Variants in CRYBG1 observed in about 807,000 individuals in gnomAD.
CRYBG1 encodes crystallin beta-gamma domain containing 1.
In CRYBG1, 139 loss-of-function variants were observed where a neutral mutation model predicts 189.2. The ratio of observed to expected loss-of-function variants is 0.73; its 90% CI spans 0.64 to 0.85. CRYBG1 has a LOEUF of 0.85. Among genes scored for constraint, CRYBG1 ranks in the 40% least tolerant of loss-of-function variants. CRYBG1 has a pLI of 0.00. For missense variants in CRYBG1, 2,611 were observed against 2,675.8 expected (o/e 0.98, Z 0.53); for synonymous variants, 1,023 against 1,017.1 (o/e 1.01, Z -0.11).
At position 106,430,252 on chromosome 6, in the gene CRYBG1, G is replaced by A. The variant is rs570170186; in HGVS notation, c.174-21442G>A. ...TTGAAACCAGCCTAGGCAACGTAGC[G>A]AAACCCCCATCTCTACAAAAAAATT... On this transcript the variant is annotated intron_variant, in intron 1 of 21. Transcript: ENST00000633556. Among the ~76,000 whole-genome samples, 22 of 152,148 alleles carry A rather than the reference G, an allele frequency of 1.4e-4. No individual in the cohort carries two copies. The South Asian group carries it at 2.1e-3, about 14-fold the overall frequency.
chr6:106,515,756 AATTTATTTATTT>A (rs71726144), intron 3 of CRYBG1, among the ~76,000 whole-genome samples: 1,623 of 141,324 alleles, frequency 0.011, 17 homozygotes, highest in African/African-American at 0.028. Flanking sequence ...GCAGAGATCA[AATTTATTTATTT>A]ATTTATTTAT....
chr6:106,411,484 G>A (rs1582747746), intron 1 of CRYBG1, among the ~76,000 whole-genome samples: 1 of 152,248 alleles, frequency 6.6e-6, no homozygotes, highest in East Asian at 1.9e-4. Flanking sequence ...TAGACTTTGG[G>A]TCTTGAGTTT....
rs945829386 is a variant in CRYBG1, at chr6:106,538,841, G to A, written c.4719-562G>A. ...AACCAGGAGGCAGAGGTTGCAGTGA[G>A]CTGAGAGCAAGCCACTGTACTCCAG... is the stretch of plus-strand genomic sequence containing the variant. On this transcript the variant is annotated intron_variant, in intron 8 of 21. Coordinates refer to ENST00000633556, the MANE Select transcript of CRYBG1 (RefSeq NM_001371242.2). Among the ~76,000 whole-genome samples, 3 of 151,268 alleles carry A rather than the reference G, an allele frequency of 2.0e-5. No homozygotes were observed. The East Asian group carries it at 5.8e-4, about 29-fold the overall frequency.
intron 2 of CRYBG1, among the ~76,000 whole-genome samples, chr6:106,501,724 T>C (rs1428166918): frequency 1.3e-5 from 2 of 152,268 alleles, no homozygotes; most frequent in Non-Finnish European, 2.9e-5. Flanking sequence ...TCCTGAGTTC[T>C]GATCATAGAA....
chr6:106,501,003 G>A (rs187110284), intron 2 of CRYBG1, among the ~76,000 whole-genome samples: 1 of 152,300 alleles, frequency 6.6e-6, no homozygotes, highest in Admixed American at 6.5e-5. Flanking sequence ...TAGGCTGGAG[G>A]ATAAAGGATT....
Position 106,568,606 on chromosome 6 carries a change from C to T in CRYBG1, c.*40C>T. ...AGAATCTTCTGGAGGTCCTTCCAGCCACCTTATTTCTTAAAAAGGACAATG... is the reference window on the plus strand; with the variant it reads ...AGAATCTTCTGGAGGTCCTTCCAGCTACCTTATTTCTTAAAAAGGACAATG... On this transcript the variant is annotated 3_prime_UTR_variant, in exon 22 of 22. Coordinates refer to ENST00000633556, the MANE Select transcript of CRYBG1 (RefSeq NM_001371242.2). The T allele has an allele frequency of 6.9e-7, 1 of 1,457,788 alleles. No homozygotes were observed. Among genetic ancestry groups the T allele is most frequent in the Non-Finnish European group, 9.6e-7 (1 of 1,041,570 alleles). The allele number at this position is 1,457,788 out of a possible 1,614,324, so 90.3% of individuals were successfully genotyped here.
chr6:106,518,259 A>G (rs1773486924), intron 3 of CRYBG1, among the ~76,000 whole-genome samples: 1 of 152,238 alleles, frequency 6.6e-6, no homozygotes, highest in Non-Finnish European at 1.5e-5. Context: ...TTTAAATATT[A>G]TCCAAAGTTG....
chr6:106,560,701 A>G (rs961549867), intron 18 of CRYBG1, 102 bp from the exon 19 acceptor site: 9 of 1,345,464 alleles, frequency 6.7e-6, no homozygotes, highest in Non-Finnish European at 9.1e-6. Flanking sequence ...TGTTAAAAGT[A>G]TATAGTTCAG....
chr6:106,558,659 A>G, intron 18 of CRYBG1, 34 bp downstream of exon 18: 1 of 1,547,812 alleles, frequency 6.5e-7, no homozygotes, highest in Non-Finnish European at 8.7e-7. Flanking sequence ...AATAAAATAG[A>G]TCATTTTAAA....
At chr6:106,535,597 C>A (rs1168208834) in intron 8 of CRYBG1, among the ~76,000 whole-genome samples, 1 of 152,142 alleles carries the variant, frequency 6.6e-6, no homozygotes, top group African/African-American at 2.4e-5. Context: ...TAGTCCATCA[C>A]CAAATTTTCC....
chr6:106,422,525 G>A (rs956590812), intron 1 of CRYBG1, among the ~76,000 whole-genome samples: 1 of 151,696 alleles, frequency 6.6e-6, no homozygotes, highest in African/African-American at 2.4e-5. Flanking sequence ...TAGAGAGCGT[G>A]TTTCACCATA....
intron 13 of CRYBG1, among the ~76,000 whole-genome samples, chr6:106,551,208 C>T (rs1774397101): frequency 6.6e-6 from 1 of 152,034 alleles, no homozygotes; most frequent in Admixed American, 6.6e-5. Flanking sequence ...ATGTTTAGCT[C>T]CCACTTATGG....
intron 1 of CRYBG1, among the ~76,000 whole-genome samples, chr6:106,437,253 TG>T (rs778111665): frequency 1.4e-4 from 21 of 152,206 alleles, no homozygotes; most frequent in Admixed American, 6.5e-4. Context: ...TTCATCTCAT[TG>T]GGTTTGCTAA....
intron 18 of CRYBG1, among the ~76,000 whole-genome samples, 151 bp from the exon 19 acceptor site, chr6:106,560,647 CTTCTT>C (rs745710178): frequency 2.6e-5 from 4 of 152,320 alleles, no homozygotes; most frequent in East Asian, 3.9e-4. Flanking sequence ...CAAGAAATTA[CTTCTT>C]TTAAGTGTTC....
intron 1 of CRYBG1, among the ~76,000 whole-genome samples, chr6:106,365,451 C>CAA (rs10683623): frequency 0.63 from 88,377 of 140,020 alleles, 27,870 homozygotes; most frequent in East Asian, 0.72. Flanking sequence ...GAAACAAAAC[C>CAA]AAAAAAAAAA....
At chr6:106,522,041 A>G (rs1773623584) in intron 4 of CRYBG1, among the ~76,000 whole-genome samples, 1 of 152,122 alleles carries the variant, frequency 6.6e-6, no homozygotes, top group African/African-American at 2.4e-5. Context: ...CTGGCAATAA[A>G]TCTTTTAAGG....
At chr6:106,365,868 C>A (rs1395392100) in intron 1 of CRYBG1, among the ~76,000 whole-genome samples, 1 of 151,886 alleles carries the variant, frequency 6.6e-6, no homozygotes, top group Non-Finnish European at 1.5e-5. Flanking sequence ...GTGTCAAGGG[C>A]AGAGCATCCT....
chr6:106,385,361 G>T (rs747491465), intron 1 of CRYBG1, among the ~76,000 whole-genome samples: 1 of 152,134 alleles, frequency 6.6e-6, no homozygotes, highest in Non-Finnish European at 1.5e-5. Flanking sequence ...ACAGTTTTTG[G>T]CTAGCCAGCA....
chr6:106,391,928 CGTGT>C (rs57024907), intron 1 of CRYBG1, among the ~76,000 whole-genome samples: 4,470 of 131,326 alleles, frequency 0.034, 122 homozygotes, highest in South Asian at 0.1. Flanking sequence ...TTGTTTAAAA[CGTGT>C]GTGTGTGTGT....
Sources: allele counts gnomAD v4.1 joint callset (sites outside exome capture counted in the v4.1 genomes callset), GRCh38; gene constraint gnomAD v4.1.1; transcripts MANE v1.5; gene names NCBI Gene and HGNC (gene_info 2026-07-23, HGNC 2026-07-21).